The following SORCS2 variants were observed in gnomAD, a reference collection of about 807,000 sequenced individuals.
SORCS2 encodes the protein VPS10 domain-containing receptor SorCS2.
SORCS2 carries 100 observed loss-of-function variants against 141.6 expected under a neutral mutation model. The ratio of observed to expected loss-of-function variants is 0.71; its 90% confidence interval spans 0.60 to 0.83. The LOEUF (loss-of-function observed/expected upper bound fraction) is 0.83, where lower values mean the gene tolerates loss of function less well. Among genes scored for constraint, SORCS2 ranks in the 40% least tolerant of loss-of-function variants. SORCS2 has a pLI of 0.00. For missense variants in SORCS2, 1,646 were observed against 1,560.2 expected, an observed-to-expected ratio of 1.05 and a Z score of -0.93; for synonymous variants, 789 against 676.9, an observed-to-expected ratio of 1.17 and a Z score of -2.57.
At chr4:7,252,134 A>G (rs1386106412) in intron 1 of SORCS2, among the ~76,000 whole-genome samples, 1 of 152,208 alleles carries the variant, frequency 6.6e-6, no homozygotes, top group Non-Finnish European at 1.5e-5. Flanking sequence ...GGCCTGAGTC[A>G]TGTTGCAGAG....
chr4:7,389,603 G>A (rs1723729280), intron 1 of SORCS2, among the ~76,000 whole-genome samples: 1 of 152,216 alleles, frequency 6.6e-6, no homozygotes, highest in East Asian at 1.9e-4. Context: ...GTGAGGCTCA[G>A]GAGATGGAGG....
intron 1 of SORCS2, among the ~76,000 whole-genome samples, chr4:7,311,162 A>G (rs551508562): frequency 6.6e-6 from 1 of 152,098 alleles, no homozygotes; most frequent in African/African-American, 2.4e-5. Flanking sequence ...CCTTTCCTAG[A>G]ATTTCGTCTC....
intron 3 of SORCS2, among the ~76,000 whole-genome samples, chr4:7,624,249 C>T (rs1719385177): frequency 6.6e-6 from 1 of 152,160 alleles, no homozygotes; most frequent in Non-Finnish European, 1.5e-5. Context: ...CTTCCCCACC[C>T]AACTCTGAGG....
At chr4:7,716,070 G>A (rs73204721) in intron 17 of SORCS2, among the ~76,000 whole-genome samples, 4,543 of 152,004 alleles carry the variant, frequency 0.03, 90 homozygotes, top group Non-Finnish European at 0.046. Flanking sequence ...TGCTATGAAG[G>A]ATTCAATTCA....
chr4:7,673,731 A>G (rs1217128438), intron 8 of SORCS2, among the ~76,000 whole-genome samples: 1 of 152,114 alleles, frequency 6.6e-6, no homozygotes, highest in Non-Finnish European at 1.5e-5. Context: ...TTATGTAAAC[A>G]TTTACCCAGG....
At chr4:7,273,121 C>T (rs1004954525) in intron 1 of SORCS2, among the ~76,000 whole-genome samples, 2 of 152,222 alleles carry the variant, frequency 1.3e-5, no homozygotes, top group African/African-American at 2.4e-5. Flanking sequence ...TAGTTTTCAA[C>T]AACATCTGGC....
Position 7,703,213 on chromosome 4 carries a change from C to T in SORCS2, c.1669-67C>T, listed in dbSNP as rs990937798. The T allele has an allele frequency of 6.0e-5, 79 of 1,318,322 alleles. No individual in the cohort carries two copies. The Middle Eastern group carries it at 9.2e-4, about 15-fold the overall frequency. The allele number at this position is 1,318,322 out of a possible 1,614,324, so 81.7% of individuals were successfully genotyped here. On this transcript the variant is annotated intron_variant, in intron 12 of 26. Coordinates refer to ENST00000507866, the MANE Select transcript of SORCS2 (RefSeq NM_020777.3). ...CATTGACAACCCTCCTCCCAGGAGCCGCTCAGCCTGGAACAACCTCCGACC... is the reference window on the plus strand; with the variant it reads ...CATTGACAACCCTCCTCCCAGGAGCTGCTCAGCCTGGAACAACCTCCGACC...
At chr4:7,251,478 C>T (rs934933553) in intron 1 of SORCS2, among the ~76,000 whole-genome samples, 100 of 152,160 alleles carry the variant, frequency 6.6e-4, no homozygotes, top group Non-Finnish European at 2.4e-4. Context: ...CACTGTAAGC[C>T]GTAATGTGCT....
rs373146496 is a variant in SORCS2, at chr4:7,734,345, G to A, written c.3282G>A (p.Ala1094=). 84 of 1,584,378 alleles carry A rather than the reference G, an allele frequency of 5.3e-5. No homozygotes were observed. The highest frequency in any genetic ancestry group is 8.1e-5 in the African/African-American group (6 of 74,406). ...TGTTTGTCATCGGGCTCTTCGCAGC[G>A]GGAGCCTTCATCCTCTACAAGTTCA... is the stretch of plus-strand genomic sequence containing the variant. The part of the protein sequence containing the change: ...VVLFVIGLFA[A]GAFILYKFKR... Residue 1094 remains alanine, a synonymous_variant, in exon 25 of 27, where the codon GCG becomes GCA. Coordinates refer to ENST00000507866, the MANE Select transcript of SORCS2 (RefSeq NM_020777.3).
intron 18 of SORCS2, among the ~76,000 whole-genome samples, chr4:7,719,376 G>A (rs1051857175): frequency 6.6e-6 from 1 of 152,202 alleles, no homozygotes; most frequent in African/African-American, 2.4e-5. Context: ...CTCAAGTGGC[G>A]TCCTCTTGCC....
At chr4:7,594,355 G>T (rs909797767) in intron 3 of SORCS2, among the ~76,000 whole-genome samples, 4 of 152,202 alleles carry the variant, frequency 2.6e-5, no homozygotes, top group African/African-American at 9.7e-5. Flanking sequence ...TGCAACTTTT[G>T]GAAATTACAG....
chr4:7,620,153 C>A (rs183680909), intron 3 of SORCS2, among the ~76,000 whole-genome samples: 1 of 152,222 alleles, frequency 6.6e-6, no homozygotes, highest in East Asian at 1.9e-4. Context: ...CTGCGGATTG[C>A]GATCTTTTGG....
chr4:7,349,258 T>C (rs1297374598), intron 1 of SORCS2, among the ~76,000 whole-genome samples: 8 of 152,086 alleles, frequency 5.3e-5, no homozygotes, highest in Non-Finnish European at 1.2e-4. Flanking sequence ...ACCCCTGCCG[T>C]AGGGAGCAGA....
At chr4:7,329,081 T>C (rs1719478661) in intron 1 of SORCS2, among the ~76,000 whole-genome samples, 1 of 152,192 alleles carries the variant, frequency 6.6e-6, no homozygotes, top group South Asian at 2.1e-4. Flanking sequence ...TCTGAATCCC[T>C]GCCAAGCCTG....
At chr4:7,501,726 T>C (rs920956229) in intron 2 of SORCS2, among the ~76,000 whole-genome samples, 2 of 152,262 alleles carry the variant, frequency 1.3e-5, no homozygotes, top group African/African-American at 4.8e-5. Context: ...GGTGTATTTT[T>C]CCTTCTCCTG....
At chr4:7,732,792 G>C (rs1369594085) in intron 23 of SORCS2, among the ~76,000 whole-genome samples, 1 of 152,092 alleles carries the variant, frequency 6.6e-6, no homozygotes, top group Non-Finnish European at 1.5e-5. Context: ...GCCATGTCTC[G>C]GTCGCCTTTG....
chr4:7,598,001 C>A (rs1172995836), intron 3 of SORCS2, among the ~76,000 whole-genome samples: 1 of 146,634 alleles, frequency 6.8e-6, no homozygotes, highest in Non-Finnish European at 1.5e-5. Flanking sequence ...TGGAGTCTTG[C>A]CCTGTTGCCC....
At chr4:7,678,469 G>C (rs1027188723) in intron 9 of SORCS2, among the ~76,000 whole-genome samples, 3 of 147,872 alleles carry the variant, frequency 2.0e-5, no homozygotes, top group Non-Finnish European at 4.5e-5. Context: ...CCATGAACTG[G>C]TATGTATTTG....
chr4:7,427,040 G>A (rs749824875), intron 2 of SORCS2, among the ~76,000 whole-genome samples: 13 of 152,278 alleles, frequency 8.5e-5, no homozygotes, highest in Middle Eastern at 3.4e-3. Context: ...GGAAAGAGCG[G>A]TGGTTCCATT....
Sources: allele counts gnomAD v4.1 joint callset (sites outside exome capture counted in the v4.1 genomes callset), GRCh38; gene constraint gnomAD v4.1.1; transcripts MANE v1.5; gene names NCBI Gene and HGNC (gene_info 2026-07-23, HGNC 2026-07-21).